The following GRM7 variants were observed in gnomAD, a reference collection of about 807,000 sequenced individuals.
GRM7 encodes the protein glutamate metabotropic receptor 7, also known as metabotropic glutamate receptor 7.
Under a neutral mutation model 84.5 loss-of-function variants are expected in GRM7, and 35 were observed. The ratio of observed to expected loss-of-function variants is 0.41; its 90% CI spans 0.32 to 0.55. The LOEUF (loss-of-function observed/expected upper bound fraction) is 0.55. Ranked by LOEUF, GRM7 falls within the 20% of genes least tolerant of loss-of-function variation. GRM7 has a pLI of 0.19. For missense variants in GRM7, 1,003 were observed against 1,194.6 expected, an observed-to-expected ratio of 0.84 and a Z score of 2.36; for synonymous variants, 487 against 455.1, an observed-to-expected ratio of 1.07 and a Z score of -0.89.
chr3:7,554,177 A>G (rs540724002), intron 7 of GRM7, among the ~76,000 whole-genome samples: 13 of 152,222 alleles, frequency 8.5e-5, no homozygotes, highest in Non-Finnish European at 1.5e-4. Flanking sequence ...GGAGAAGAAT[A>G]TATACAGTCC....
At chr3:7,045,896 A>G (rs1272183158) in intron 1 of GRM7, among the ~76,000 whole-genome samples, 4 of 152,148 alleles carry the variant, frequency 2.6e-5, no homozygotes, top group Non-Finnish European at 5.9e-5. Context: ...ATATATACCC[A>G]GAAGTGGATT....
chr3:6,900,543 TA>T (rs1478192456), intron 1 of GRM7, among the ~76,000 whole-genome samples: 1 of 152,200 alleles, frequency 6.6e-6, no homozygotes, highest in Non-Finnish European at 1.5e-5. Context: ...AGGGCAAAGA[TA>T]TTCAGAAGGA....
chr3:7,622,195 C>T (rs1406926020), intron 8 of GRM7, among the ~76,000 whole-genome samples: 1 of 152,096 alleles, frequency 6.6e-6, no homozygotes. Context: ...GTAGATGTGT[C>T]AGTTTGTTCA....
At chr3:7,190,173 A>T (rs13326811) in intron 2 of GRM7, among the ~76,000 whole-genome samples, 63,440 of 151,982 alleles carry the variant, frequency 0.42, 14,891 homozygotes, top group African/African-American at 0.65. Flanking sequence ...ATCCATTGAC[A>T]CTATCTGCAA....
chr3:7,506,668 G>T (rs1016729025), intron 7 of GRM7, among the ~76,000 whole-genome samples: 15 of 152,192 alleles, frequency 9.9e-5, no homozygotes, highest in Admixed American at 6.5e-5. Flanking sequence ...CCTTCTTCTT[G>T]TGTCATAACA....
At chr3:7,391,600 C>A (rs143823111) in intron 4 of GRM7, among the ~76,000 whole-genome samples, 1 of 151,868 alleles carries the variant, frequency 6.6e-6, no homozygotes, top group Non-Finnish European at 1.5e-5. Flanking sequence ...AGGAGATATA[C>A]CTAATGTAAA....
At chr3:7,189,969 CACAA>C (rs574936964) in intron 2 of GRM7, among the ~76,000 whole-genome samples, 103 of 152,258 alleles carry the variant, frequency 6.8e-4, no homozygotes, top group African/African-American at 2.2e-3. Flanking sequence ...GACACACACA[CACAA>C]ACAGACCCAC....
chr3:7,703,356 T>C (rs1181053424), intron 9 of GRM7, among the ~76,000 whole-genome samples: 2 of 152,186 alleles, frequency 1.3e-5, no homozygotes, highest in African/African-American at 2.4e-5. Context: ...TACTGTAAGT[T>C]CTTTCTTAAG....
At position 7,699,488 on chromosome 3, in the gene GRM7, T is replaced by C. The variant is rs541085628; in HGVS notation, c.2698+19193T>C. Among the ~76,000 whole-genome samples, 144 of 152,316 alleles carry C rather than the reference T, an allele frequency of 9.5e-4. 1 individual carries two copies. In the South Asian group the frequency reaches 0.028, roughly 30 times the overall value. ...AAATTCTATAACAAACAAGTTACTTTTATGAAACAATTTTTTAAATTTGAA... is the reference window on the plus strand; with the variant it reads ...AAATTCTATAACAAACAAGTTACTTCTATGAAACAATTTTTTAAATTTGAA... On this transcript the variant is annotated intron_variant, in intron 9 of 9. Transcript: ENST00000357716.
At chr3:6,942,592 C>G (rs2125058385) in intron 1 of GRM7, among the ~76,000 whole-genome samples, 1 of 152,058 alleles carries the variant, frequency 6.6e-6, no homozygotes, top group East Asian at 1.9e-4. Flanking sequence ...AATTCTATTC[C>G]ATTGTATAGT....
intron 3 of GRM7, among the ~76,000 whole-genome samples, chr3:7,299,259 C>A (rs1407947049): frequency 1.3e-5 from 2 of 151,992 alleles, no homozygotes; most frequent in African/African-American, 4.8e-5. Context: ...TTTCTTTTTT[C>A]TTTTCAGAAC....
intron 8 of GRM7, among the ~76,000 whole-genome samples, chr3:7,634,405 C>T (rs1004004864): frequency 2.0e-4 from 29 of 143,084 alleles, no homozygotes; most frequent in Non-Finnish European, 2.5e-4. Flanking sequence ...AAACTGAAAG[C>T]GTATACCATT....
At chr3:7,594,733 T>G (rs1695955136) in intron 8 of GRM7, among the ~76,000 whole-genome samples, 1 of 152,076 alleles carries the variant, frequency 6.6e-6, no homozygotes, top group Non-Finnish European at 1.5e-5. Flanking sequence ...TCCAGACACA[T>G]CCTGACCACC....
intron 4 of GRM7, among the ~76,000 whole-genome samples, chr3:7,326,049 G>GC: frequency 1.3e-5 from 1 of 77,852 alleles, no homozygotes; most frequent in East Asian, 3.3e-4. Context: ...ACACCTCCCC[G>GC]CCCCCGGCCC....
intron 8 of GRM7, among the ~76,000 whole-genome samples, chr3:7,647,472 C>T (rs1698699615): frequency 1.3e-5 from 2 of 152,064 alleles, no homozygotes; most frequent in South Asian, 4.1e-4. Flanking sequence ...CAAGGGCACC[C>T]AAAGAGGCTA....
chr3:7,499,356 A>G (rs1335559640), intron 7 of GRM7, among the ~76,000 whole-genome samples: 1 of 152,114 alleles, frequency 6.6e-6, no homozygotes, highest in African/African-American at 2.4e-5. Flanking sequence ...CCAGTTTTAA[A>G]CGGAGATGGC....
chr3:7,525,977 G>T (rs9819987), intron 7 of GRM7, among the ~76,000 whole-genome samples: 93,477 of 151,942 alleles, frequency 0.62, 29,831 homozygotes, highest in African/African-American at 0.79. Flanking sequence ...GGCATCAGAA[G>T]TGATTTAAGT....
intron 8 of GRM7, among the ~76,000 whole-genome samples, chr3:7,651,208 AC>A (rs1330289809): frequency 7.4e-6 from 1 of 135,938 alleles, no homozygotes; most frequent in Non-Finnish European, 1.7e-5. Context: ...CAAGCTGTGG[AC>A]CTTATCCTGG....
chr3:6,863,045 T>C lies in GRM7; in HGVS notation c.519+1138T>C. On this transcript the variant is annotated intron_variant, in intron 1 of 9. Transcript: ENST00000357716. The surrounding 1 kb of genome is among the most constrained non-coding windows in gnomAD (Gnocchi z 4.8). Reference sequence around the variant, plus strand: ...GGGGTTTGGAAATTGAGTTTCAGGGTCTCTGTGATTGTAGGTTCCCTCCTC... The same window carrying C: ...GGGGTTTGGAAATTGAGTTTCAGGGCCTCTGTGATTGTAGGTTCCCTCCTC... 1 of 454,934 alleles carries C rather than the reference T, an allele frequency of 2.2e-6. No homozygotes were observed. Among genetic ancestry groups the C allele is most frequent in the Non-Finnish European group, 4.4e-6 (1 of 226,222 alleles). 28.2% of individuals were successfully genotyped at this position (454,934 alleles called of 1,614,324 possible).
Sources: allele counts gnomAD v4.1 joint callset (sites outside exome capture counted in the v4.1 genomes callset), GRCh38; gene constraint gnomAD v4.1.1; non-coding constraint Gnocchi (gnomAD v3.1); transcripts MANE v1.5; gene names NCBI Gene and HGNC (gene_info 2026-07-23, HGNC 2026-07-21).